Variants in TBX19 observed in about 807,000 individuals in gnomAD.
TBX19 encodes the protein T-box transcription factor 19.
In TBX19, 33 loss-of-function variants were observed where a neutral mutation model predicts 40.9. That is an observed-to-expected ratio of 0.81 (90% CI 0.61 to 1.08). The LOEUF (loss-of-function observed/expected upper bound fraction) is 1.08. Among genes scored for constraint, TBX19 ranks in the 50% least tolerant of loss-of-function variants. TBX19 has a pLI of 0.00. For missense variants in TBX19, 494 were observed against 574.0 expected (o/e 0.86, Z 1.42); for synonymous variants, 220 against 225.0 (o/e 0.98, Z 0.20).
At chr1:168,300,756 G>A (rs1388606120) in intron 5 of TBX19, among the ~76,000 whole-genome samples, 1 of 152,190 alleles carries the variant, frequency 6.6e-6, no homozygotes, top group East Asian at 1.9e-4. Context: ...TTGTCAGTAA[G>A]GCTCTGAGCC....
chr1:168,295,362 C>A (rs904723464), intron 3 of TBX19, among the ~76,000 whole-genome samples: 1 of 152,100 alleles, frequency 6.6e-6, no homozygotes, highest in Non-Finnish European at 1.5e-5. Flanking sequence ...AGATTTTGGG[C>A]TGCCACTCAG....
chr1:168,306,365 C>T lies in TBX19; in HGVS notation c.916+1169C>T, dbSNP rs146812543. On this transcript the variant is annotated intron_variant, in intron 6 of 7. Coordinates refer to ENST00000367821, the MANE Select transcript of TBX19 (RefSeq NM_005149.3). ...TTTCAGGGCCGGGAGCGGTGGTTCA[C>T]GCCTGTAATCCCAGCACTTTGGGAG... Among the ~76,000 whole-genome samples, 1,316 of 152,246 alleles carry T rather than the reference C, an allele frequency of 8.6e-3. 12 individuals are homozygous for T. Among genetic ancestry groups the T allele is most frequent in the African/African-American group, 0.029 (1,209 of 41,540 alleles).
In TBX19 at chr1:168,281,235, C is replaced by A. The variant is rs750287749; in HGVS notation, c.145C>A (p.Pro49Thr). 6.2e-7 allele frequency: 1 copy of A among 1,613,972 alleles called. No homozygotes were observed. Among genetic ancestry groups the A allele is most frequent in the African/African-American group, 1.3e-5 (1 of 74,900 alleles). Residue 49 changes from proline to threonine, a missense_variant, in exon 1 of 8, where the codon CCT becomes ACT. Pro to Thr is a conservative substitution (Grantham distance 38, BLOSUM62 -1). This residue lies in a region of TBX19 where 201 missense variants were observed against 235.2 expected (regional missense o/e 0.85). Coordinates refer to ENST00000367821, the MANE Select transcript of TBX19 (RefSeq NM_005149.3). ...ACTTCAGATCATCCTGGAGGATGCA[C>A]CTCTCTGGCAGAGATTCAAGGAAGT... ...KQLQIILEDA[P>T]LWQRFKEVTN...
At chr1:168,289,922 GGTGGCTCACAC>G (rs1648897349) in intron 1 of TBX19, among the ~76,000 whole-genome samples, 4 of 152,162 alleles carry the variant, frequency 2.6e-5, no homozygotes, top group African/African-American at 9.7e-5. Context: ...GGCCAAGCAT[GGTGGCTCACAC>G]CTGTAATTTC....
rs1649254798 is a variant in TBX19, at chr1:168,300,609, TTATTC to T, written c.727+131_727+135del. The T allele has an allele frequency of 1.0e-5, 9 of 893,668 alleles. No individual in the cohort carries two copies. The South Asian group carries it at 1.3e-4, about 13-fold the overall frequency. 55.4% of individuals were successfully genotyped at this position (893,668 alleles called of 1,614,324 possible). On this transcript the variant is annotated intron_variant, in intron 5 of 7. Coordinates refer to ENST00000367821, the MANE Select transcript of TBX19 (RefSeq NM_005149.3). ...TCCAAATCAAAACCCAACACACAGT[TTATTC>T]TATTAAGGACAAATTTGTGCCCTTT... is the stretch of plus-strand genomic sequence containing the variant.
At chr1:168,285,622 T>C (rs1353732997) in intron 1 of TBX19, among the ~76,000 whole-genome samples, 1 of 152,252 alleles carries the variant, frequency 6.6e-6, no homozygotes, top group Admixed American at 6.5e-5. Flanking sequence ...GAGTGCTTAT[T>C]TACCCTGCCA....
intron 5 of TBX19, 86 bp from the exon 6 acceptor site, chr1:168,304,922 G>A (rs1649362247): frequency 7.5e-7 from 1 of 1,327,328 alleles, no homozygotes; most frequent in Non-Finnish European, 1.1e-6. Flanking sequence ...TACAAGAATT[G>A]TAGCTGTGTA....
At position 168,312,750 on chromosome 1, in the gene TBX19, C is replaced by A; in HGVS notation, c.1095C>A (p.Gly365=). The A allele has an allele frequency of 6.2e-7, 1 of 1,614,070 alleles. No individual in the cohort carries two copies. The highest frequency in any genetic ancestry group is 8.5e-7 in the Non-Finnish European group (1 of 1,180,038). ...CLWTISNGAG[G]PSGPGPEVHA... is the part of the protein sequence containing the mutation. ...GGACCATCAGCAATGGTGCCGGAGG[C>A]CCCAGTGGGCCAGGCCCGGAGGTGC... is the stretch of plus-strand genomic sequence containing the variant. The change falls in exon 8 of 8, where the codon GGC becomes GGA. Residue 365 remains glycine (G), a synonymous_variant. Coordinates refer to ENST00000367821, the MANE Select transcript of TBX19 (RefSeq NM_005149.3).
At chr1:168,292,863 CAAAAAAAAAAAAAAA>C (rs751123603) in intron 2 of TBX19, among the ~76,000 whole-genome samples, 1 of 32,878 alleles carries the variant, frequency 3.0e-5, no homozygotes, top group East Asian at 1.1e-3. Flanking sequence ...GACTCCGTCT[CAAAAAAAAAAAAAAA>C]AAAAAAAAAA....
At chr1:168,308,654 T>C in intron 6 of TBX19, 88 bp from the exon 7 acceptor site, 5 of 1,523,324 alleles carry the variant, frequency 3.3e-6, no homozygotes, top group Middle Eastern at 3.4e-4. Context: ...CAAGCCATGG[T>C]TATATTTTGC....
intron 1 of TBX19, among the ~76,000 whole-genome samples, chr1:168,283,794 A>G (rs1034775706): frequency 1.3e-5 from 2 of 151,992 alleles, no homozygotes; most frequent in African/African-American, 4.8e-5. Flanking sequence ...GCCCTTTTTC[A>G]TTGACATTGT....
chr1:168,298,841 T>C (rs71632354), intron 4 of TBX19, among the ~76,000 whole-genome samples: 1,366 of 60,676 alleles, frequency 0.023, 275 homozygotes, highest in African/African-American at 0.092. Context: ...CTTTCTTTCT[T>C]TCTTTCTTTC....
Position 168,281,195 on chromosome 1 carries a change from C to T in TBX19, c.105C>T (p.Asp35=), listed in dbSNP as rs34284181. ...SELQAGREKG[D]PTEKQLQIIL... is the part of the protein sequence containing the mutation. ...TTCAGGCAGGGAGGGAAAAAGGCGA[C>T]CCTACGGAGAAGCAACTTCAGATCA... The change falls in exon 1 of 8, where the codon GAC becomes GAT. Residue 35 remains aspartate (D), a synonymous_variant. Coordinates refer to ENST00000367821, the MANE Select transcript of TBX19 (RefSeq NM_005149.3). The T allele has an allele frequency of 1.7e-3, 2,733 of 1,614,082 alleles. 41 individuals carry two copies. The African/African-American group carries it at 0.032, about 19-fold the overall frequency.
At chr1:168,292,926 G>A (rs929507238) in intron 2 of TBX19, among the ~76,000 whole-genome samples, 1 of 147,392 alleles carries the variant, frequency 6.8e-6, no homozygotes, top group Non-Finnish European at 1.5e-5. Flanking sequence ...CCTCACCCTT[G>A]TAAAGGCTTC....
chr1:168,307,725 C>T (rs1649435895), intron 6 of TBX19, among the ~76,000 whole-genome samples: 1 of 152,056 alleles, frequency 6.6e-6, no homozygotes, highest in South Asian at 2.1e-4. Context: ...AAATGGAAGA[C>T]ATTCTTCCCC....
chr1:168,309,851 T>C (rs1572484463), intron 7 of TBX19, among the ~76,000 whole-genome samples: 1 of 152,348 alleles, frequency 6.6e-6, no homozygotes, highest in Admixed American at 6.5e-5. Flanking sequence ...GGAAATAATA[T>C]GACCTACTTT....
intron 7 of TBX19, among the ~76,000 whole-genome samples, chr1:168,310,674 A>T (rs1202882581): frequency 2.0e-5 from 3 of 146,592 alleles, no homozygotes; most frequent in Admixed American, 2.0e-4. Flanking sequence ...ATATATATAT[A>T]AAAAAATATA....
chr1:168,307,654 C>G (rs1273932786), intron 6 of TBX19, among the ~76,000 whole-genome samples: 1 of 152,110 alleles, frequency 6.6e-6, no homozygotes, highest in Non-Finnish European at 1.5e-5. Flanking sequence ...TCCTTCCTCC[C>G]TCCCTCTGCC....
In TBX19 at chr1:168,312,787, C is replaced by G. The variant is rs377712241; in HGVS notation, c.1132C>G (p.Pro378Ala). 1 of 1,614,258 alleles carries G rather than the reference C, an allele frequency of 6.2e-7. No individual in the cohort carries two copies. The highest frequency in any genetic ancestry group is 1.3e-5 in the African/African-American group (1 of 75,072). Residue 378 changes from proline to alanine, a missense_variant, in exon 8 of 8, where the codon CCA (proline) becomes GCA (alanine). By Grantham distance (27) the Pro-to-Ala change is conservative. Coordinates refer to ENST00000367821, the MANE Select transcript of TBX19 (RefSeq NM_005149.3). ...GPGPEVHAST[P>A]GAFLLGNPAV... ...AGGCCCGGAGGTGCACGCCAGCACC[C>G]CAGGAGCATTTCTCCTCGGAAACCC...
Sources: allele counts gnomAD v4.1 joint callset (sites outside exome capture counted in the v4.1 genomes callset), GRCh38; gene constraint gnomAD v4.1.1; regional missense constraint gnomAD v4.1.1; transcripts MANE v1.5; gene names NCBI Gene and HGNC (gene_info 2026-07-23, HGNC 2026-07-21).